Variants in ATP8B1 observed in about 807,000 individuals in gnomAD.
ATP8B1 encodes ATPase phospholipid transporting 8B1.
In ATP8B1, 80 loss-of-function variants were observed where a neutral mutation model predicts 149.9. The observed-to-expected ratio is 0.53, with a 90% confidence interval of 0.45 to 0.64. The LOEUF is 0.64. ATP8B1 is among the 30% of genes least tolerant of loss of function. ATP8B1 has a pLI of 0.00. For missense variants in ATP8B1, 1,247 were observed against 1,552.6 expected (o/e 0.80, Z 3.31); for synonymous variants, 536 against 562.8 (o/e 0.95, Z 0.67).
chr18:57,786,511 G>T lies in ATP8B1; in HGVS notation c.-26+16487C>A, dbSNP rs1174529242. Among the ~76,000 whole-genome samples, 6 of 152,198 alleles carry T rather than the reference G, an allele frequency of 3.9e-5. No individual in the cohort carries two copies. In the South Asian group the frequency reaches 1.2e-3, roughly 32 times the overall value. Reference sequence around the variant, plus strand: ...AGTCATGCTGATGTTGCTGGTCCAGGGACCATACTTTGAAAACCAGTGTCT... The same window carrying T: ...AGTCATGCTGATGTTGCTGGTCCAGTGACCATACTTTGAAAACCAGTGTCT... On this transcript the variant is annotated intron_variant, in intron 1 of 27. Coordinates refer to ENST00000648908, the MANE Select transcript of ATP8B1 (RefSeq NM_001374385.1).
At position 57,655,308 on chromosome 18, in the gene ATP8B1, A is replaced by G; in HGVS notation, c.2817T>C (p.His939=). 6.2e-7 allele frequency: 1 copy of G among 1,614,172 alleles called. No homozygotes were observed. Among genetic ancestry groups the G allele is most frequent in the Non-Finnish European group, 8.5e-7 (1 of 1,179,982 alleles). ...FRYLQRLLLV[H]GRWSYIRMCK... ...ACATCCTTATGTAAGACCATCGGCCATGCACCAGCAGTAGCCTCTGCAGAT... is the reference window on the plus strand; with the variant it reads ...ACATCCTTATGTAAGACCATCGGCCGTGCACCAGCAGTAGCCTCTGCAGAT... Residue 939 remains histidine (H), a synonymous_variant, in exon 23 of 28, where the codon CAT becomes CAC. Transcript: ENST00000648908.
In ATP8B1 at chr18:57,790,395, G is replaced by A. The variant is rs139579007; in HGVS notation, c.-26+12603C>T. 8.3e-3 allele frequency among the ~76,000 whole-genome samples: 1,218 copies of A among 146,324 alleles called. 15 individuals are homozygous for A. Among genetic ancestry groups the A allele is most frequent in the African/African-American group, 0.029 (1,140 of 39,676 alleles). ...ACCAGGAATCAAATCACATCACGCCGCTGCTTAAAAATGTTAGTGACTTCC... is the reference window on the plus strand; with the variant it reads ...ACCAGGAATCAAATCACATCACGCCACTGCTTAAAAATGTTAGTGACTTCC... On this transcript the variant is annotated intron_variant, in intron 1 of 27. Transcript: ENST00000648908.
rs1441917526 is a variant in ATP8B1, at chr18:57,671,589, A to G, written c.1820-9T>C. ...GCCTTCTGGGGTTCTTACTGGTAGTAAAAGAAGGAAATAAACACAACAAAG... is the reference window on the plus strand; with the variant it reads ...GCCTTCTGGGGTTCTTACTGGTAGTGAAAGAAGGAAATAAACACAACAAAG... On this transcript the variant is annotated splice_polypyrimidine_tract_variant and intron_variant, in intron 16 of 27. Transcript: ENST00000648908. 1 of 1,575,744 alleles carries G rather than the reference A, an allele frequency of 6.3e-7. No individual in the cohort carries two copies. The highest frequency in any genetic ancestry group is 8.7e-7 in the Non-Finnish European group (1 of 1,145,268).
intron 6 of ATP8B1, among the ~76,000 whole-genome samples, chr18:57,700,586 A>G (rs1599131181): frequency 1.3e-5 from 2 of 152,170 alleles, no homozygotes; most frequent in South Asian, 4.1e-4. Flanking sequence ...TTTTATCACT[A>G]TCCTTATTAG....
rs1274248706 is a variant in ATP8B1, at chr18:57,667,109, G to C, written c.2268C>G (p.Cys756Trp). Residue 756 changes from cysteine to tryptophan, a missense_variant, in exon 20 of 28, where the codon TGC becomes TGG. Around this residue, in one of 3 missense-constraint regions of ATP8B1, gnomAD observed 853 missense variants for 1,035.7 expected, o/e 0.82. Coordinates refer to ENST00000648908, the MANE Select transcript of ATP8B1 (RefSeq NM_001374385.1). ...TTACTCACTTAATATCCTCCCCATAGCAGATGGTGGTGTCTTCAGTCAGAA... is the reference window on the plus strand; with the variant it reads ...TTACTCACTTAATATCCTCCCCATACCAGATGGTGGTGTCTTCAGTCAGAA... Reference protein sequence around the residue: ...CELLTEDTTICYGEDINSLLH... With the variant: ...CELLTEDTTIWYGEDINSLLH... The C allele has an allele frequency of 6.2e-7, 1 of 1,612,720 alleles. No homozygotes were observed. The highest frequency in any genetic ancestry group is 1.3e-5 in the African/African-American group (1 of 74,974).
At position 57,658,627 on chromosome 18, in the gene ATP8B1, TTGTGTGTGTGTG is replaced by T. The variant is rs71171058; in HGVS notation, c.2707+2535_2707+2546del. Among the ~76,000 whole-genome samples the T allele has an allele frequency of 6.3e-3, 921 of 145,084 alleles. 6 individuals are homozygous for T. Among genetic ancestry groups the T allele is most frequent in the Non-Finnish European group, 8.8e-3 (583 of 66,430 alleles). ...GACTACTTTATGACCAACAATTTCT[TTGTGTGTGTGTG>T]TGTGTGTGTGTGTGTGTGTGTGTGT... On this transcript the variant is annotated intron_variant, in intron 22 of 27. Coordinates refer to ENST00000648908, the MANE Select transcript of ATP8B1 (RefSeq NM_001374385.1).
intron 1 of ATP8B1, among the ~76,000 whole-genome samples, chr18:57,764,497 C>T (rs1046838217): frequency 2.4e-4 from 36 of 151,652 alleles, no homozygotes; most frequent in African/African-American, 8.0e-4. Context: ...CGGCTCACTG[C>T]AACCTCTGCC....
At chr18:57,667,020 A>G in intron 20 of ATP8B1, 72 bp downstream of exon 20, 1 of 1,364,552 alleles carries the variant, frequency 7.3e-7, no homozygotes, top group Non-Finnish European at 1.0e-6. Flanking sequence ...CATATCTGCT[A>G]TCTTCTACAG....
intron 1 of ATP8B1, among the ~76,000 whole-genome samples, chr18:57,801,592 A>G (rs185365983): frequency 1.3e-5 from 2 of 152,220 alleles, no homozygotes; most frequent in Admixed American, 1.3e-4. Flanking sequence ...CCCCATATAT[A>G]CGGGCTCGTA....
At chr18:57,765,110 A>C (rs1383815451) in intron 1 of ATP8B1, among the ~76,000 whole-genome samples, 1 of 152,228 alleles carries the variant, frequency 6.6e-6, no homozygotes, top group African/African-American at 2.4e-5. Flanking sequence ...TGGCCTTAAA[A>C]AGGAAATCCT....
chr18:57,789,304 G>A (rs1288693741), intron 1 of ATP8B1, among the ~76,000 whole-genome samples: 2 of 152,088 alleles, frequency 1.3e-5, no homozygotes, highest in Non-Finnish European at 2.9e-5. Context: ...TCGGCTGTGA[G>A]GTCTCGGAAA....
At chr18:57,704,512 G>A in intron 4 of ATP8B1, 43 bp downstream of exon 4, 2 of 1,271,102 alleles carry the variant, frequency 1.6e-6, no homozygotes, top group South Asian at 2.4e-5. Context: ...ATGTTATCGA[G>A]TCACTATAAT....
intron 17 of ATP8B1, among the ~76,000 whole-genome samples, 177 bp from the exon 18 acceptor site, chr18:57,669,659 T>G (rs1911111240): frequency 6.6e-6 from 1 of 152,278 alleles, no homozygotes; most frequent in Non-Finnish European, 1.5e-5. Flanking sequence ...TGTCACTTTT[T>G]TTTTTTTTGA....
intron 11 of ATP8B1, 143 bp from the exon 12 acceptor site, chr18:57,692,140 A>G (rs1912564683): frequency 7.4e-7 from 1 of 1,348,562 alleles, no homozygotes; most frequent in Non-Finnish European, 1.0e-6. Context: ...AAATAAAAAC[A>G]GCACTATCAT....
intron 1 of ATP8B1, among the ~76,000 whole-genome samples, chr18:57,757,273 A>G (rs1002193425): frequency 2.0e-5 from 3 of 152,170 alleles, no homozygotes; most frequent in African/African-American, 7.2e-5. Context: ...ACAGGCTCCC[A>G]TCATTCTTTC....
chr18:57,791,135 C>T (rs1418839318), intron 1 of ATP8B1, among the ~76,000 whole-genome samples: 2 of 152,206 alleles, frequency 1.3e-5, no homozygotes, highest in Non-Finnish European at 2.9e-5. Flanking sequence ...CCATTAAAAA[C>T]TAACTCTCCA....
chr18:57,671,335 G>C, intron 17 of ATP8B1, 133 bp downstream of exon 17: 1 of 799,286 alleles, frequency 1.3e-6, no homozygotes, highest in South Asian at 1.4e-5. Context: ...CTACTTTACT[G>C]CTCTTTCCAC....
Position 57,716,756 on chromosome 18 carries a change from T to C in ATP8B1, c.182-10169A>G, listed in dbSNP as rs2079586995. On this transcript the variant is annotated intron_variant, in intron 2 of 27. Coordinates refer to ENST00000648908, the MANE Select transcript of ATP8B1 (RefSeq NM_001374385.1). ...AGCTGGAGACATCAACACTACACTT[T>C]CAGCACTGGACAGATCTTCCAGACA... Among the ~76,000 whole-genome samples, 4 of 152,194 alleles carry C rather than the reference T, an allele frequency of 2.6e-5. No homozygotes were observed. The South Asian group carries it at 8.3e-4, about 32-fold the overall frequency.
intron 13 of ATP8B1, among the ~76,000 whole-genome samples, chr18:57,687,877 T>A (rs1223463566): frequency 6.6e-6 from 1 of 150,676 alleles, no homozygotes; most frequent in Non-Finnish European, 1.5e-5. Flanking sequence ...CCTCCCGGGT[T>A]CAAGCAATTC....
Sources: allele counts gnomAD v4.1 joint callset (sites outside exome capture counted in the v4.1 genomes callset), GRCh38; gene constraint gnomAD v4.1.1; regional missense constraint gnomAD v4.1.1; transcripts MANE v1.5; gene names NCBI Gene and HGNC (gene_info 2026-07-23, HGNC 2026-07-21).